Variants in DNAH6 observed in about 807,000 individuals in gnomAD.
DNAH6 encodes dynein axonemal heavy chain 6.
A neutral mutation model predicts 491.4 loss-of-function variants in DNAH6; 340 were observed. That is an observed-to-expected ratio of 0.69 (90% CI 0.63 to 0.76). DNAH6 has a LOEUF of 0.76. Among genes scored for constraint, DNAH6 ranks in the 30% least tolerant of loss-of-function variants. DNAH6 has a pLI of 0.00. For synonymous variants in DNAH6, 1,603 were observed against 1,686.1 expected, an observed-to-expected ratio of 0.95 and a Z score of 1.21; for missense variants, 4,443 against 4,972.2, an observed-to-expected ratio of 0.89 and a Z score of 3.20.
intron 64 of DNAH6, among the ~76,000 whole-genome samples, chr2:84,778,559 G>A (rs1392161979): frequency 6.6e-6 from 1 of 151,672 alleles, no homozygotes; most frequent in Non-Finnish European, 1.5e-5. Context: ...TACTGTGGTG[G>A]AGTGATCATG....
chr2:84,812,632 C>A (rs1680100507), intron 73 of DNAH6, 106 bp downstream of exon 73: 4 of 915,054 alleles, frequency 4.4e-6, no homozygotes, highest in African/African-American at 3.4e-5. Flanking sequence ...GATGGATAAT[C>A]TGAGCCCAGA....
intron 15 of DNAH6, among the ~76,000 whole-genome samples, chr2:84,586,740 A>G (rs1683595697): frequency 6.6e-6 from 1 of 152,196 alleles, no homozygotes; most frequent in South Asian, 2.1e-4. Context: ...TAACTTGCCA[A>G]GGGTCACGCA....
At chr2:84,697,553 T>G (rs961069763) in intron 46 of DNAH6, 22 bp from the exon 47 acceptor site, 49 of 1,528,084 alleles carry the variant, frequency 3.2e-5, no homozygotes, top group Non-Finnish European at 4.1e-5. Flanking sequence ...CAAGTTGTAA[T>G]GATCACTGCT....
At chr2:84,616,801 T>C (rs940003776) in intron 22 of DNAH6, 85 bp from the exon 23 acceptor site, 19 of 594,764 alleles carry the variant, frequency 3.2e-5, no homozygotes, top group Non-Finnish European at 5.2e-5. Context: ...ATTCATAAAT[T>C]GATTACATTT....
At chr2:84,745,583 A>G (rs1672892631) in intron 63 of DNAH6, among the ~76,000 whole-genome samples, 1 of 151,472 alleles carries the variant, frequency 6.6e-6, no homozygotes, top group African/African-American at 2.4e-5. Flanking sequence ...GGAGAATGGC[A>G]TGAACCCAGG....
At chr2:84,611,382 C>T (rs1361636330) in intron 21 of DNAH6, among the ~76,000 whole-genome samples, 4 of 152,078 alleles carry the variant, frequency 2.6e-5, no homozygotes, top group African/African-American at 4.8e-5. Flanking sequence ...GAGTAGGCAT[C>T]GTGCTGCCCC....
chr2:84,599,859 A>G (rs766380660), intron 18 of DNAH6, among the ~76,000 whole-genome samples: 5 of 152,074 alleles, frequency 3.3e-5, no homozygotes, highest in Non-Finnish European at 7.4e-5. Flanking sequence ...TTGCCTTTCC[A>G]TATCTATTTT....
chr2:84,639,816 G>A (rs1689220553), intron 31 of DNAH6, among the ~76,000 whole-genome samples: 1 of 152,166 alleles, frequency 6.6e-6, no homozygotes, highest in Admixed American at 6.5e-5. Context: ...TAAGAACTCT[G>A]CGTCATTCTA....
At chr2:84,472,197 G>A in the DNAH6 span, among the ~76,000 whole-genome samples, 4 of 151,526 alleles carry the variant, frequency 2.6e-5, no homozygotes, top group African/African-American at 9.7e-5. Context: ...TATGTTCCTG[G>A]TCTCCTGCCT....
At chr2:84,669,921 G>A (rs1438386764) in intron 38 of DNAH6, among the ~76,000 whole-genome samples, 1 of 152,084 alleles carries the variant, frequency 6.6e-6, no homozygotes, top group Non-Finnish European at 1.5e-5. Context: ...TTGACTATTT[G>A]GGGTTTTTTG....
chr2:84,536,004 T>C (rs1677657619), intron 4 of DNAH6, among the ~76,000 whole-genome samples: 1 of 152,028 alleles, frequency 6.6e-6, no homozygotes, highest in Admixed American at 6.6e-5. Context: ...TCAAGTAATA[T>C]GTTATTTGCA....
intron 16 of DNAH6, among the ~76,000 whole-genome samples, chr2:84,591,402 A>G (rs1194512490): frequency 6.6e-6 from 1 of 152,168 alleles, no homozygotes; most frequent in Non-Finnish European, 1.5e-5. Context: ...ATAAAGTAGA[A>G]ATAAACTTAA....
chr2:84,752,872 A>G (rs1252823593), intron 63 of DNAH6, among the ~76,000 whole-genome samples: 2 of 152,168 alleles, frequency 1.3e-5, no homozygotes, highest in African/African-American at 2.4e-5. Flanking sequence ...TGCCATAAAC[A>G]TTTGTGTACA....
chr2:84,655,465 A>G (rs1194158633), intron 35 of DNAH6, among the ~76,000 whole-genome samples: 1 of 151,708 alleles, frequency 6.6e-6, no homozygotes. Flanking sequence ...CTCATCCCCT[A>G]CTCCAAGTAA....
intron 37 of DNAH6, among the ~76,000 whole-genome samples, chr2:84,665,520 G>T (rs1309899083): frequency 6.6e-6 from 1 of 152,078 alleles, no homozygotes; most frequent in Non-Finnish European, 1.5e-5. Context: ...TAAATTCCTG[G>T]ACACATACAC....
At chr2:84,811,521 A>G (rs1679974389) in intron 72 of DNAH6, among the ~76,000 whole-genome samples, 1 of 152,104 alleles carries the variant, frequency 6.6e-6, no homozygotes, top group Non-Finnish European at 1.5e-5. Context: ...TTTCCAGTTC[A>G]AGGAGACCCT....
rs1017465801 is a variant in DNAH6, at chr2:84,805,695, A to G, written c.11512A>G (p.Ile3838Val). The change falls in exon 71 of 77, where the codon ATA (isoleucine) becomes GTA (valine). Residue 3838 changes from isoleucine to valine, a missense_variant. By Grantham distance (29) the Ile-to-Val change is conservative. Transcript: ENST00000389394. ...YKETSTLINT[I>V]LEVQPRSSTG... is the part of the protein sequence containing the mutation. ...AGAGACCAGCACTTTAATCAACACC[A>G]TACTTGAGGTTCAGCCAAGGTCATC... The G allele has an allele frequency of 4.5e-6, 7 of 1,551,804 alleles. No homozygotes were observed. The East Asian group carries it at 1.2e-4, about 27-fold the overall frequency.
intron 63 of DNAH6, 113 bp from the exon 64 acceptor site, chr2:84,762,642 G>C (rs566189011): frequency 1.4e-6 from 1 of 700,782 alleles, no homozygotes; most frequent in Admixed American, 2.9e-5. Context: ...AATCAAGACA[G>C]AATAAGTACA....
chr2:84,582,538 G>A (rs1276182243), intron 14 of DNAH6, among the ~76,000 whole-genome samples: 1 of 152,174 alleles, frequency 6.6e-6, no homozygotes, highest in Non-Finnish European at 1.5e-5. Flanking sequence ...TGCAAGCTCC[G>A]CCTCCCGGGT....
Sources: gnomAD v4.1 joint callset for allele counts (sites outside exome capture counted in the v4.1 genomes callset) on GRCh38, gnomAD v4.1.1 for gene constraint, MANE v1.5 for transcripts, NCBI Gene and HGNC (gene_info 2026-07-23, HGNC 2026-07-21) for gene names.